LAMB1: variants seen among roughly 807,000 people sequenced by gnomAD.
LAMB1 encodes laminin subunit beta 1, also known as laminin subunit beta-1.
Under a neutral mutation model 222.3 loss-of-function variants are expected in LAMB1, and 121 were observed. That is an observed-to-expected ratio of 0.54 (90% CI 0.47 to 0.63). The LOEUF (loss-of-function observed/expected upper bound fraction) is 0.63, where lower values mean the gene tolerates loss of function less well. Among genes scored for constraint, LAMB1 ranks in the 30% least tolerant of loss-of-function variants. LAMB1 has a pLI of 0.00. For missense variants in LAMB1, 2,172 were observed against 2,240.8 expected (o/e 0.97, Z 0.62); for synonymous variants, 794 against 807.2 (o/e 0.98, Z 0.28).
rs1208135768 is a variant in LAMB1, at chr7:107,931,419, T to C, written c.4474A>G (p.Lys1492Glu). The change falls in exon 29 of 34, where the codon AAA (lysine) becomes GAA (glutamate). Residue 1492 changes from lysine (K) to glutamate (E), a missense_variant. Lys to Glu is a moderately conservative substitution (Grantham distance 56, BLOSUM62 1). Coordinates refer to ENST00000222399, the MANE Select transcript of LAMB1 (RefSeq NM_002291.3). ...AGCTCCTCATTGCTCTTGTCCATTTTTTCTTTGGTAGCATTTGTCTTCAAC... is the reference window on the plus strand; with the variant it reads ...AGCTCCTCATTGCTCTTGTCCATTTCTTCTTTGGTAGCATTTGTCTTCAAC... ...ILLKTNATKE[K>E]MDKSNEELRN... The C allele has an allele frequency of 6.2e-7, 1 of 1,613,962 alleles. No homozygotes were observed. The highest frequency in any genetic ancestry group is 8.5e-7 in the Non-Finnish European group (1 of 1,179,906).
At chr7:107,951,054 G>A (rs1047776846) in intron 24 of LAMB1, 172 bp downstream of exon 24, 3 of 587,666 alleles carry the variant, frequency 5.1e-6, no homozygotes, top group Non-Finnish European at 9.2e-6. Flanking sequence ...GGCAGGGCTA[G>A]ATTTGTTAGA....
At chr7:107,962,707 C>CAAAAAAAAAAAAAAAAAAAA (rs57580761) in intron 15 of LAMB1, among the ~76,000 whole-genome samples, 198 bp downstream of exon 15, 1 of 98,696 alleles carries the variant, frequency 1.0e-5, no homozygotes. Context: ...GAGCGAGACT[C>CAAAAAAAAAAAAAAAAAAAA]AAAAAAAAAA....
intron 24 of LAMB1, chr7:107,940,701 A>C: frequency 3.9e-6 from 1 of 256,208 alleles, no homozygotes; most frequent in Non-Finnish European, 7.7e-6. Context: ...AACATGCCCC[A>C]AGTCTCACTG....
At chr7:107,929,310 C>T in intron 30 of LAMB1, 102 bp downstream of exon 30, 3 of 1,502,886 alleles carry the variant, frequency 2.0e-6, no homozygotes, top group Non-Finnish European at 2.8e-6. Context: ...CCCAGAGAGA[C>T]TCGCATAGGT....
intron 4 of LAMB1, among the ~76,000 whole-genome samples, chr7:107,997,011 C>T (rs1410730465): frequency 6.6e-6 from 1 of 152,218 alleles, no homozygotes; most frequent in Non-Finnish European, 1.5e-5. Flanking sequence ...ATGAACATGG[C>T]TCTAAATGAT....
At position 107,965,761 on chromosome 7, in the gene LAMB1, G is replaced by T. The variant is rs539403179; in HGVS notation, c.1563-1074C>A. ...CAAAGTTTTAAACAAGGTACCTAAG[G>T]CAAGTTGCAACTCACAGGAACACTT... On this transcript the variant is annotated intron_variant, in intron 13 of 33. Coordinates refer to ENST00000222399, the MANE Select transcript of LAMB1 (RefSeq NM_002291.3). Among the ~76,000 whole-genome samples the T allele has an allele frequency of 5.9e-5, 9 of 151,936 alleles. No homozygotes were observed. The South Asian group carries it at 1.7e-3, about 28-fold the overall frequency.
intron 14 of LAMB1, among the ~76,000 whole-genome samples, chr7:107,963,352 A>G (rs1387659144): frequency 6.6e-6 from 1 of 152,212 alleles, no homozygotes; most frequent in African/African-American, 2.4e-5. Flanking sequence ...GCATAAAAGA[A>G]AAAAGAGAAC....
At position 107,961,291 on chromosome 7, in the gene LAMB1, C is replaced by T. The variant is rs767589371; in HGVS notation, c.2024G>A (p.Gly675Glu). The change falls in exon 17 of 34, where the codon GGA (glycine) becomes GAA (glutamate). Residue 675 changes from glycine to glutamate, a missense_variant. Physicochemically the swap from Gly to Glu is moderately conservative, Grantham distance 98. Transcript: ENST00000222399. ...VLPRPVCFEK[G>E]TNYTVRLELP... ...CTCCAACCTCACCGTGTAGTTTGTT[C>T]CCTTCTCAAAGCACACCGGCCGAGG... 26 of 1,614,068 alleles carry T rather than the reference C, an allele frequency of 1.6e-5. No individual in the cohort carries two copies. The South Asian group carries it at 2.1e-4, about 13-fold the overall frequency.
chr7:107,960,482 G>A lies in LAMB1; in HGVS notation c.2277C>T (p.Ile759=), dbSNP rs143597483. 2 of 1,614,170 alleles carry A rather than the reference G, an allele frequency of 1.2e-6. No individual in the cohort carries two copies. The highest frequency in any genetic ancestry group is 1.7e-6 in the Non-Finnish European group (2 of 1,179,988). ...TPMTDVCRNI[I]FSISALLHQT... ...GGTGTAACAGGGCAGAAATGCTAAAGATGATGTTTCTGCAAACATCTGTCA... is the reference window on the plus strand; with the variant it reads ...GGTGTAACAGGGCAGAAATGCTAAAAATGATGTTTCTGCAAACATCTGTCA... The change falls in exon 18 of 34, where the codon ATC becomes ATT. Residue 759 remains isoleucine (I), a synonymous_variant. Coordinates refer to ENST00000222399, the MANE Select transcript of LAMB1 (RefSeq NM_002291.3).
At chr7:107,944,849 C>T (rs920332726) in intron 24 of LAMB1, among the ~76,000 whole-genome samples, 9 of 152,190 alleles carry the variant, frequency 5.9e-5, no homozygotes, top group African/African-American at 1.7e-4. Flanking sequence ...CACACACCCA[C>T]CAGGATCTGA....
chr7:107,963,199 C>T, intron 14 of LAMB1, 136 bp from the exon 15 acceptor site: 1 of 764,128 alleles, frequency 1.3e-6, no homozygotes, highest in African/African-American at 1.7e-5. Context: ...AGTCAAATCT[C>T]CCCTAATAGA....
At position 107,929,508 on chromosome 7, in the gene LAMB1, C is replaced by G; in HGVS notation, c.4649G>C (p.Arg1550Pro). Reference sequence around the variant, plus strand: ...CTCTACTTGAGAAAGGCTTTCAACTCGTTCACGTATATCTTCTGTCAAGTT... The same window carrying G: ...CTCTACTTGAGAAAGGCTTTCAACTGGTTCACGTATATCTTCTGTCAAGTT... ...LQNLTEDIRE[R>P]VESLSQVEVI... The change falls in exon 30 of 34, where the codon CGA becomes CCA. Residue 1550 changes from arginine to proline, a missense_variant. Transcript: ENST00000222399. 1 of 1,614,070 alleles carries G rather than the reference C, an allele frequency of 6.2e-7. No individual in the cohort carries two copies. Among genetic ancestry groups the G allele is most frequent in the Middle Eastern group, 1.7e-4 (1 of 6,060 alleles).
intron 2 of LAMB1, among the ~76,000 whole-genome samples, 191 bp downstream of exon 2, chr7:108,002,658 C>T (rs1465100761): frequency 6.6e-6 from 1 of 152,200 alleles, no homozygotes; most frequent in African/African-American, 2.4e-5. Context: ...TGAGGGTCCG[C>T]GGCGCTCCGC....
chr7:107,968,602 A>G (rs949159153), intron 13 of LAMB1, among the ~76,000 whole-genome samples: 7 of 152,214 alleles, frequency 4.6e-5, no homozygotes, highest in Non-Finnish European at 8.8e-5. Context: ...GAGCTGTGAC[A>G]TAAGAAGGAT....
chr7:107,960,477 C>G lies in LAMB1; in HGVS notation c.2282G>C (p.Ser761Thr), dbSNP rs1415332847. Reference protein sequence around the residue: ...MTDVCRNIIFSISALLHQTGL... With the variant: ...MTDVCRNIIFTISALLHQTGL... ...TGTCTGGTGTAACAGGGCAGAAATG[C>G]TAAAGATGATGTTTCTGCAAACATC... The change falls in exon 18 of 34, where the codon AGC (serine) becomes ACC (threonine). Residue 761 changes from serine to threonine, a missense_variant. Ser to Thr is a moderately conservative substitution (Grantham distance 58). Transcript: ENST00000222399. 1 of 1,614,176 alleles carries G rather than the reference C, an allele frequency of 6.2e-7. No individual in the cohort carries two copies. Among genetic ancestry groups the G allele is most frequent in the Non-Finnish European group, 8.5e-7 (1 of 1,180,030 alleles).
chr7:107,963,487 CA>C (rs2033557283), intron 14 of LAMB1, among the ~76,000 whole-genome samples: 1 of 152,184 alleles, frequency 6.6e-6, no homozygotes, highest in East Asian at 1.9e-4. Context: ...GCTCCATTTT[CA>C]AGTGAAGAAA....
chr7:107,998,285 C>G, intron 4 of LAMB1, 72 bp downstream of exon 4: 1 of 1,485,548 alleles, frequency 6.7e-7, no homozygotes, highest in Non-Finnish European at 9.3e-7. Context: ...TTACAAACAC[C>G]CAGGAACCTG....
At chr7:107,979,512 G>C (rs1385796121) in intron 8 of LAMB1, among the ~76,000 whole-genome samples, 1 of 152,038 alleles carries the variant, frequency 6.6e-6, no homozygotes, top group Non-Finnish European at 1.5e-5. Context: ...CTTAATCCTT[G>C]GGCTCTATCA....
intron 7 of LAMB1, among the ~76,000 whole-genome samples, chr7:107,983,705 A>C (rs1011204961): frequency 9.2e-5 from 14 of 151,816 alleles, no homozygotes; most frequent in Non-Finnish European, 4.4e-5. Flanking sequence ...TTTAGTAGAG[A>C]CGGGGTTTCA....
Sources: allele counts gnomAD v4.1 joint callset (sites outside exome capture counted in the v4.1 genomes callset), GRCh38; gene constraint gnomAD v4.1.1; transcripts MANE v1.5; gene names NCBI Gene and HGNC (gene_info 2026-07-23, HGNC 2026-07-21).